DNAI7: variants seen among roughly 807,000 people sequenced by gnomAD.
The protein encoded by DNAI7 is cancer susceptibility 1.
In DNAI7, 78 loss-of-function variants were observed where a neutral mutation model predicts 86.6. That is an observed-to-expected ratio of 0.90 (90% CI 0.75 to 1.09). DNAI7 has a LOEUF of 1.09. Among genes scored for constraint, DNAI7 ranks in the 50% least tolerant of loss-of-function variants. The pLI is 0.00. For synonymous variants in DNAI7, 274 were observed against 273.0 expected, an observed-to-expected ratio of 1.00 and a Z score of -0.04; for missense variants, 753 against 810.2, an observed-to-expected ratio of 0.93 and a Z score of 0.86.
intron 2 of DNAI7, among the ~76,000 whole-genome samples, chr12:25,190,337 C>T (rs1268998251): frequency 6.6e-6 from 1 of 151,968 alleles, no homozygotes; most frequent in Non-Finnish European, 1.5e-5. Flanking sequence ...TTTTCTAGAG[C>T]AGAATTAACA....
At position 25,161,066 on chromosome 12, in the gene DNAI7, G is replaced by A. The variant is rs769126244; in HGVS notation, c.106+47C>T. 1.1e-5 allele frequency: 15 copies of A among 1,410,200 alleles called. No individual in the cohort carries two copies. The African/African-American group carries it at 1.4e-4, about 13-fold the overall frequency. The allele number at this position is 1,410,200 out of a possible 1,614,324, so 87.4% of individuals were successfully genotyped here. On this transcript the variant is annotated intron_variant, in intron 3 of 15. Transcript: ENST00000395987. ...CTTTACTACAAAAGACCAACCTATCGTGACTATTACCTGTATAGGTAAATA... is the reference window on the plus strand; with the variant it reads ...CTTTACTACAAAAGACCAACCTATCATGACTATTACCTGTATAGGTAAATA...
intron 1 of DNAI7, among the ~76,000 whole-genome samples, chr12:25,193,646 C>T (rs1471632542): frequency 6.6e-6 from 1 of 151,650 alleles, no homozygotes; most frequent in Non-Finnish European, 1.5e-5. Context: ...ATAAATGTTC[C>T]ATGGGCCACA....
chr12:25,168,715 A>G (rs944520481), intron 2 of DNAI7, among the ~76,000 whole-genome samples: 2 of 151,518 alleles, frequency 1.3e-5, no homozygotes, highest in Non-Finnish European at 2.9e-5. Context: ...AAACTTGCCA[A>G]CCAAGCAAGT....
At chr12:25,131,105 G>A (rs1942855227) in intron 9 of DNAI7, among the ~76,000 whole-genome samples, 1 of 150,736 alleles carries the variant, frequency 6.6e-6, no homozygotes, top group African/African-American at 2.4e-5. Context: ...ATATAATGAT[G>A]TAAGATTTAT....
chr12:25,124,007 A>G (rs2140491838), intron 9 of DNAI7, among the ~76,000 whole-genome samples: 1 of 145,376 alleles, frequency 6.9e-6, no homozygotes, highest in South Asian at 2.2e-4. Flanking sequence ...AGCACTAGAT[A>G]AATGCAGTGT....
intron 2 of DNAI7, among the ~76,000 whole-genome samples, chr12:25,172,629 G>T: frequency 6.6e-6 from 1 of 152,072 alleles, no homozygotes; most frequent in East Asian, 1.9e-4. Flanking sequence ...AACCAAAAAA[G>T]AGTCCACATA....
Position 25,174,623 on chromosome 12 carries a change from TG to T in DNAI7, c.22-13427del, listed in dbSNP as rs1458853003. On this transcript the variant is annotated intron_variant, in intron 2 of 15. Coordinates refer to ENST00000395987, the MANE Select transcript of DNAI7 (RefSeq NM_018272.5). ...ATATATGATATATATATCATATATA[TG>T]GGATATATATCATATATATGGAATA... Among the ~76,000 whole-genome samples, 7 of 116,302 alleles carry T rather than the reference TG, an allele frequency of 6.0e-5. 1 individual carries two copies. The highest frequency in any genetic ancestry group is 1.0e-4 in the Non-Finnish European group (6 of 57,984). 76.3% of individuals were successfully genotyped at this position (116,302 alleles called of 152,430 possible). A position where few individuals can be genotyped will look rare whatever the true frequency, so the allele number is the denominator to read the frequency against.
chr12:25,127,751 A>G (rs1430033160), intron 9 of DNAI7, among the ~76,000 whole-genome samples: 3 of 152,206 alleles, frequency 2.0e-5, no homozygotes, highest in Non-Finnish European at 2.9e-5. Context: ...GAAATTCCTT[A>G]GTATATGTGC....
chr12:25,148,868 T>C (rs1386604654), intron 7 of DNAI7, among the ~76,000 whole-genome samples: 1 of 152,228 alleles, frequency 6.6e-6, no homozygotes, highest in Non-Finnish European at 1.5e-5. Context: ...AGCCTCATCT[T>C]TCACTTTTCC....
chr12:25,114,590 CTAG>C, intron 13 of DNAI7, 63 bp downstream of exon 13: 1 of 1,049,810 alleles, frequency 9.5e-7, no homozygotes, highest in Non-Finnish European at 1.5e-6. Context: ...TTTTGACAAA[CTAG>C]TATTCCATCA....
chr12:25,129,398 G>A (rs969877892), intron 9 of DNAI7, among the ~76,000 whole-genome samples: 8 of 152,158 alleles, frequency 5.3e-5, no homozygotes, highest in African/African-American at 1.4e-4. Context: ...AGAGGTAGGC[G>A]TATGATAAAT....
At chr12:25,182,938 AAAGGAAGGGAGGAAGG>A (rs1270719095) in intron 2 of DNAI7, among the ~76,000 whole-genome samples, 1 of 150,176 alleles carries the variant, frequency 6.7e-6, no homozygotes, top group East Asian at 2.0e-4. Flanking sequence ...GAAAGGAATG[AAAGGAAGGGAGGAAGG>A]GAGGAAGGGA....
intron 3 of DNAI7, among the ~76,000 whole-genome samples, chr12:25,159,901 C>A (rs909974277): frequency 6.6e-6 from 1 of 152,048 alleles, no homozygotes; most frequent in Admixed American, 6.6e-5. Flanking sequence ...CTTTTTGGTA[C>A]TTTAATTAAT....
At chr12:25,158,445 T>C in intron 4 of DNAI7, 27 bp downstream of exon 4, 1 of 1,544,550 alleles carries the variant, frequency 6.5e-7, no homozygotes, top group Non-Finnish European at 8.9e-7. Context: ...TAAGTATTCA[T>C]TAAGAACATT....
intron 2 of DNAI7, among the ~76,000 whole-genome samples, chr12:25,177,003 A>C (rs1392567819): frequency 1.3e-5 from 2 of 151,156 alleles, no homozygotes; most frequent in African/African-American, 4.9e-5. Context: ...CCCAGGTTCA[A>C]GCAATTCTCC....
At chr12:25,116,336 C>G (rs1156920921) in intron 12 of DNAI7, among the ~76,000 whole-genome samples, 1 of 151,952 alleles carries the variant, frequency 6.6e-6, no homozygotes, top group Non-Finnish European at 1.5e-5. Context: ...AAGTTATTAC[C>G]TATAAATAAA....
intron 1 of DNAI7, 100 bp downstream of exon 1, chr12:25,194,976 C>T (rs770719115): frequency 3.7e-6 from 6 of 1,614,124 alleles, no homozygotes; most frequent in Admixed American, 1.7e-5. Context: ...CGACCCGCTT[C>T]GCTGTAAAAT....
chr12:25,189,889 T>A (rs1950346178), intron 2 of DNAI7, among the ~76,000 whole-genome samples: 1 of 152,060 alleles, frequency 6.6e-6, no homozygotes, highest in South Asian at 2.1e-4. Flanking sequence ...AGCCAATTGT[T>A]GCCTTACAGG....
Position 25,190,629 on chromosome 12 carries a change from A to C in DNAI7, c.6T>G (p.Gly2=). The change falls in exon 2 of 16, where the codon GGT becomes GGG. Residue 2 remains glycine, a splice_region_variant and synonymous_variant. Coordinates refer to ENST00000395987, the MANE Select transcript of DNAI7 (RefSeq NM_018272.5). ...TTCTACATACCTTTTTTGCTTTGGG[A>C]CCCTAAAAGTTGGAAAACAAAAGAA... M[G]PKAKKSGSKK... 1 of 1,410,224 alleles carries C rather than the reference A, an allele frequency of 7.1e-7. No individual in the cohort carries two copies. Among genetic ancestry groups the C allele is most frequent in the Non-Finnish European group, 9.7e-7 (1 of 1,032,082 alleles). The allele number at this position is 1,410,224 out of a possible 1,614,324, so 87.4% of individuals were successfully genotyped here. A position where few individuals can be genotyped will look rare whatever the true frequency, so the allele number is the denominator to read the frequency against.
Sources: allele counts gnomAD v4.1 joint callset (sites outside exome capture counted in the v4.1 genomes callset), GRCh38; gene constraint gnomAD v4.1.1; transcripts MANE v1.5; gene names NCBI Gene and HGNC (gene_info 2026-07-23, HGNC 2026-07-21).